The following ZNF236 variants were observed in gnomAD, a reference collection of about 807,000 sequenced individuals.
ZNF236 encodes the protein regulated by glucose.
ZNF236 carries 50 observed loss-of-function variants against 191.2 expected under a neutral mutation model. The observed-to-expected ratio is 0.26, with a 90% confidence interval of 0.21 to 0.33. ZNF236 has a LOEUF of 0.33. Among genes scored for constraint, ZNF236 ranks in the 10% least tolerant of loss-of-function variants. The pLI, the probability that ZNF236 is intolerant of heterozygous loss-of-function variation, is 1.00. For missense variants in ZNF236, 1,754 were observed against 2,374.5 expected (o/e 0.74, Z 5.43); for synonymous variants, 907 against 928.8 (o/e 0.98, Z 0.43).
chr18:76,956,501 CAG>C (rs140173783), intron 28 of ZNF236, among the ~76,000 whole-genome samples: 7,387 of 152,284 alleles, frequency 0.049, 224 homozygotes, highest in Middle Eastern at 0.13. Context: ...TGTGGGGAAA[CAG>C]AGGCTCGCTC....
At chr18:76,823,226 G>T (rs1005128510) in intron 1 of ZNF236, among the ~76,000 whole-genome samples, 3 of 149,890 alleles carry the variant, frequency 2.0e-5, no homozygotes, top group Admixed American at 6.6e-5. Context: ...CGCCAGCGTT[G>T]TCCGGGAAGC....
rs767864923 is a variant in ZNF236, at chr18:76,912,227, C to T, written c.2806-17C>T. Reference sequence around the variant, plus strand: ...AGATATTCAAGTAGTTTGCTTTATACTTCTCTTAAATTTTAGACAACTCGC... The same window carrying T: ...AGATATTCAAGTAGTTTGCTTTATATTTCTCTTAAATTTTAGACAACTCGC... On this transcript the variant is annotated splice_polypyrimidine_tract_variant and intron_variant, in intron 16 of 30. Transcript: ENST00000320610. 5 of 1,599,634 alleles carry T rather than the reference C, an allele frequency of 3.1e-6. No homozygotes were observed. In the South Asian group the frequency reaches 5.5e-5, roughly 18 times the overall value.
chr18:76,825,007 C>T (rs1421315390), intron 1 of ZNF236, among the ~76,000 whole-genome samples: 1 of 152,236 alleles, frequency 6.6e-6, no homozygotes, highest in African/African-American at 2.4e-5. Flanking sequence ...TTGGCTTCCT[C>T]ATCCCTTTAA....
intron 14 of ZNF236, 144 bp from the exon 15 acceptor site, chr18:76,909,924 A>G: frequency 1.7e-6 from 1 of 586,052 alleles, no homozygotes; most frequent in Non-Finnish European, 3.1e-6. Context: ...AAGCATATGT[A>G]TGTATTAAAT....
At chr18:76,896,965 C>T (rs1439211467) in intron 10 of ZNF236, among the ~76,000 whole-genome samples, 1 of 151,698 alleles carries the variant, frequency 6.6e-6, no homozygotes, top group African/African-American at 2.4e-5. Context: ...CAGTACTGCA[C>T]ACAGTACAAC....
At chr18:76,866,187 C>G (rs889603514) in intron 3 of ZNF236, among the ~76,000 whole-genome samples, 3 of 152,222 alleles carry the variant, frequency 2.0e-5, no homozygotes, top group African/African-American at 7.2e-5. Context: ...ACACACTCAA[C>G]ACAAACAACT....
At chr18:76,832,791 T>C (rs577843360) in intron 1 of ZNF236, among the ~76,000 whole-genome samples, 1 of 152,340 alleles carries the variant, frequency 6.6e-6, no homozygotes, top group South Asian at 2.1e-4. Flanking sequence ...GATCAAATTA[T>C]ATTGACTCTA....
intron 1 of ZNF236, among the ~76,000 whole-genome samples, chr18:76,826,396 T>G (rs989344840): frequency 1.3e-5 from 2 of 149,600 alleles, no homozygotes; most frequent in South Asian, 2.2e-4. Flanking sequence ...AGTGCTGGGA[T>G]TATAGGCGTG....
chr18:76,911,604 A>G (rs1967218933), intron 16 of ZNF236, among the ~76,000 whole-genome samples: 1 of 152,236 alleles, frequency 6.6e-6, no homozygotes, highest in Non-Finnish European at 1.5e-5. Flanking sequence ...AGCAACGTGC[A>G]CTTGCTGCCC....
At position 76,947,595 on chromosome 18, in the gene ZNF236, A is replaced by G. The variant is rs898461321; in HGVS notation, c.4857A>G (p.Ile1619Met). The G allele has an allele frequency of 1.2e-5, 20 of 1,613,938 alleles. No individual in the cohort carries two copies. The highest frequency in any genetic ancestry group is 8.8e-5 in the South Asian group (8 of 91,068). Residue 1619 changes from isoleucine (I) to methionine (M), a missense_variant, in exon 27 of 31, where the codon ATA becomes ATG. By Grantham distance (10) the Ile-to-Met change is conservative. Around this residue, in one of 5 missense-constraint regions of ZNF236, gnomAD observed 606 missense variants for 761.5 expected, o/e 0.80. Transcript: ENST00000320610. Reference protein sequence around the residue: ...GQGGAGSPQVILVSHTPQSAS... With the variant: ...GQGGAGSPQVMLVSHTPQSAS... ...GTGGAGCAGGCTCGCCGCAAGTCAT[A>G]CTAGTGAGCCACACGCCACAGTCAG... is the stretch of plus-strand genomic sequence containing the variant.
intron 19 of ZNF236, among the ~76,000 whole-genome samples, chr18:76,916,168 C>T (rs879885024): frequency 6.6e-6 from 1 of 152,176 alleles, no homozygotes; most frequent in Admixed American, 6.5e-5. Context: ...ATGTTTTTAA[C>T]AAATATGGTA....
Position 76,876,233 on chromosome 18 carries a change from A to G in ZNF236, c.840+569A>G, listed in dbSNP as rs556946720. On this transcript the variant is annotated intron_variant, in intron 6 of 30. Coordinates refer to ENST00000320610, the MANE Select transcript of ZNF236 (RefSeq NM_001306089.2). ...GATCCTGCAAGTATTTCTGTAAAGC[A>G]GGTCAACCTTTGCTCTAACTAACCA... is the stretch of plus-strand genomic sequence containing the variant. 3.1e-4 allele frequency among the ~76,000 whole-genome samples: 47 copies of G among 151,072 alleles called. No homozygotes were observed. In the Middle Eastern group the frequency reaches 0.017, roughly 56 times the overall value.
At chr18:76,903,706 T>C (rs1977665844) in intron 11 of ZNF236, among the ~76,000 whole-genome samples, 1 of 152,132 alleles carries the variant, frequency 6.6e-6, no homozygotes, top group African/African-American at 2.4e-5. Context: ...AAGCTTGTCC[T>C]GAATTCCTGA....
chr18:76,967,880 C>G (rs145498618), intron 30 of ZNF236, among the ~76,000 whole-genome samples: 110 of 152,204 alleles, frequency 7.2e-4, no homozygotes, highest in South Asian at 1.2e-3. Context: ...TTCTCTTTAA[C>G]GTCTACACTG....
Position 76,830,608 on chromosome 18 carries a change from C to T in ZNF236, c.55+7946C>T, listed in dbSNP as rs116184344. ...ACTGTCTTGGGCCATACATAAAATACGCTAACACTAATGATAGCTGGTGGA... is the reference window on the plus strand; with the variant it reads ...ACTGTCTTGGGCCATACATAAAATATGCTAACACTAATGATAGCTGGTGGA... On this transcript the variant is annotated intron_variant, in intron 1 of 30. Coordinates refer to ENST00000320610, the MANE Select transcript of ZNF236 (RefSeq NM_001306089.2). Among the ~76,000 whole-genome samples, 997 of 152,022 alleles carry T rather than the reference C, an allele frequency of 6.6e-3. 11 individuals are homozygous for T. Among genetic ancestry groups the T allele is most frequent in the African/African-American group, 0.022 (896 of 41,442 alleles).
At chr18:76,956,304 G>T (rs948279207) in intron 28 of ZNF236, 122 bp downstream of exon 28, 2 of 1,153,376 alleles carry the variant, frequency 1.7e-6, no homozygotes, top group Admixed American at 4.3e-5. Flanking sequence ...GGTTTTTGAG[G>T]AAAAGGTCAC....
intron 19 of ZNF236, among the ~76,000 whole-genome samples, chr18:76,916,672 C>T (rs1967373329): frequency 6.6e-6 from 1 of 152,208 alleles, no homozygotes; most frequent in Admixed American, 6.5e-5. Context: ...TGCGCCAGCA[C>T]ACAGATTGCA....
chr18:76,895,950 CCA>C (rs1361412881), intron 10 of ZNF236, among the ~76,000 whole-genome samples: 1 of 152,020 alleles, frequency 6.6e-6, no homozygotes, highest in Admixed American at 6.5e-5. Flanking sequence ...AGACACAGTA[CCA>C]CACACAAGTA....
rs536919867 is a variant in ZNF236 at position 76,823,198 on chromosome 18, G to C, written c.55+536G>C. On this transcript the variant is annotated intron_variant, in intron 1 of 30. Transcript: ENST00000320610. ...CCCACAGGGAGGCCGTGGAGCGCGG[G>C]GTCGTGCACACAGTAGGCGCCAGCG... Among the ~76,000 whole-genome samples, 5 of 152,236 alleles carry C rather than the reference G, an allele frequency of 3.3e-5. No homozygotes were observed. The East Asian group carries it at 7.8e-4, about 24-fold the overall frequency.
Sources: gnomAD v4.1 joint callset for allele counts (sites outside exome capture counted in the v4.1 genomes callset) on GRCh38, gnomAD v4.1.1 for gene constraint, gnomAD v4.1.1 regional missense constraint, MANE v1.5 for transcripts, NCBI Gene and HGNC (gene_info 2026-07-23, HGNC 2026-07-21) for gene names.